PAFAH2: variants seen among roughly 807,000 people sequenced by gnomAD.
PAFAH2 encodes platelet activating factor acetylhydrolase 2.
In PAFAH2, 42 loss-of-function variants were observed where a neutral mutation model predicts 49.0. The observed-to-expected ratio is 0.86, with a 90% CI of 0.67 to 1.11. The LOEUF is 1.11. Among genes scored for constraint, PAFAH2 ranks in the 50% least tolerant of loss-of-function variants. PAFAH2 has a pLI of 0.00. For missense variants in PAFAH2, 503 were observed against 501.8 expected, an observed-to-expected ratio of 1.00 and a Z score of -0.02; for synonymous variants, 184 against 181.3, an observed-to-expected ratio of 1.01 and a Z score of -0.12.
At chr1:25,989,846 G>A (rs181214475) in intron 2 of PAFAH2, among the ~76,000 whole-genome samples, 13 of 152,282 alleles carry the variant, frequency 8.5e-5, no homozygotes, top group African/African-American at 3.1e-4. Context: ...CATTGTGGGA[G>A]GGGGCACCAA....
intron 8 of PAFAH2, 57 bp from the exon 9 acceptor site, chr1:25,974,707 G>A: frequency 6.6e-7 from 1 of 1,524,586 alleles, no homozygotes; most frequent in Non-Finnish European, 8.9e-7. Flanking sequence ...AGAATAGTTA[G>A]GGTGGTGGAG....
At position 25,963,293 on chromosome 1, in the gene PAFAH2, A is replaced by G. The variant is rs536091135; in HGVS notation, c.1085-1210T>C. Among the ~76,000 whole-genome samples, 67 of 152,316 alleles carry G rather than the reference A, an allele frequency of 4.4e-4. 1 individual carries two copies. The South Asian group carries it at 9.5e-3, about 22-fold the overall frequency. On this transcript the variant is annotated intron_variant, in intron 10 of 10. Coordinates refer to ENST00000374282, the MANE Select transcript of PAFAH2 (RefSeq NM_000437.4). ...ACTATGTGCCACACTCTGTTCTTTG[A>G]GCTAAAAATATATCCACAAACAAAA...
intron 9 of PAFAH2, 58 bp from the exon 10 acceptor site, chr1:25,972,770 G>A: frequency 1.9e-6 from 3 of 1,567,094 alleles, no homozygotes; most frequent in Non-Finnish European, 2.6e-6. Flanking sequence ...ACAGATGTGT[G>A]TTAGGCACCT....
At chr1:25,986,404 GA>G (rs1054298326) in intron 4 of PAFAH2, among the ~76,000 whole-genome samples, 3 of 152,150 alleles carry the variant, frequency 2.0e-5, no homozygotes, top group African/African-American at 7.2e-5. Context: ...TTCAGTAAGT[GA>G]AAGAAGGCCA....
At chr1:25,983,504 C>A (rs1165608604) in intron 6 of PAFAH2, among the ~76,000 whole-genome samples, 1 of 151,310 alleles carries the variant, frequency 6.6e-6, no homozygotes, top group Non-Finnish European at 1.5e-5. Flanking sequence ...CTGCAGTGAG[C>A]CATGATCATG....
intron 5 of PAFAH2, 134 bp from the exon 6 acceptor site, chr1:25,984,221 G>T: frequency 1.6e-5 from 16 of 1,023,222 alleles, no homozygotes; most frequent in Non-Finnish European, 2.3e-5. Context: ...TCTGGGGCAT[G>T]CATAGGGAAG....
intron 10 of PAFAH2, among the ~76,000 whole-genome samples, chr1:25,967,691 G>A (rs1267291545): frequency 6.6e-6 from 1 of 152,192 alleles, no homozygotes; most frequent in Non-Finnish European, 1.5e-5. Context: ...TGGGTTAAGA[G>A]GGAATGGGAA....
intron 10 of PAFAH2, among the ~76,000 whole-genome samples, chr1:25,971,963 A>G (rs879269329): frequency 2.2e-4 from 33 of 152,178 alleles, no homozygotes; most frequent in South Asian, 2.1e-4. Flanking sequence ...GTGGTGGAGT[A>G]GAGAGAGGTG....
chr1:25,982,538 C>A, intron 6 of PAFAH2, 61 bp from the exon 7 acceptor site: 1 of 1,287,202 alleles, frequency 7.8e-7, no homozygotes, highest in Non-Finnish European at 1.1e-6. Flanking sequence ...CGAGAATCTC[C>A]CTCACGTACA....
chr1:25,984,345 G>C (rs3738458), intron 5 of PAFAH2, 115 bp downstream of exon 5: 1 of 821,934 alleles, frequency 1.2e-6, no homozygotes, highest in South Asian at 1.7e-5. Flanking sequence ...CTTTAAAAGT[G>C]GTATAATGCT....
chr1:25,977,618 G>C (rs1420759233), intron 7 of PAFAH2, among the ~76,000 whole-genome samples: 1 of 146,178 alleles, frequency 6.8e-6, no homozygotes. Flanking sequence ...TTGCACCACT[G>C]CATTCCAGCC....
Position 25,989,542 on chromosome 1 carries a change from G to C in PAFAH2, c.150C>G (p.Pro50=), listed in dbSNP as rs768404305. 1.2e-6 allele frequency: 2 copies of C among 1,612,556 alleles called. No individual in the cohort carries two copies. The highest frequency in any genetic ancestry group is 2.7e-5 in the African/African-American group (2 of 74,880). The change falls in exon 3 of 11, where the codon CCC becomes CCG. Residue 50 remains proline, a synonymous_variant. Coordinates refer to ENST00000374282, the MANE Select transcript of PAFAH2 (RefSeq NM_000437.4). ...AGTACTCATAGCGGGGAATCCACAG[G>C]GGCTGCTCCATGGTCTCCTCTGCCT... ...CQKAEETMEQ[P]LWIPRYEYCT... is the part of the protein sequence containing the mutation.
chr1:25,996,618 G>C (rs2049940900), intron 1 of PAFAH2, among the ~76,000 whole-genome samples: 1 of 152,096 alleles, frequency 6.6e-6, no homozygotes, highest in South Asian at 2.1e-4. Flanking sequence ...CTCTAGCCTG[G>C]GCGACAGAGC....
chr1:25,989,596 G>C lies in PAFAH2; in HGVS notation c.96C>G (p.Ser32Arg). The change falls in exon 3 of 11, where the codon AGC becomes AGG. Residue 32 changes from serine to arginine, a missense_variant. Transcript: ENST00000374282. ...DVMEGQNLQG[S>R]FFRLFYPCQK... ...GGCAGGGGTAGAAGAGTCGAAAGAA[G>C]CTCCCCTGTAGGAAAGAAGAGAGCA... 6.3e-7 allele frequency: 1 copy of C among 1,575,306 alleles called. No homozygotes were observed. Among genetic ancestry groups the C allele is most frequent in the Non-Finnish European group, 8.6e-7 (1 of 1,161,694 alleles).
intron 4 of PAFAH2, 93 bp downstream of exon 4, chr1:25,988,138 A>G (rs2049811164): frequency 1.3e-6 from 1 of 762,536 alleles, no homozygotes; most frequent in Non-Finnish European, 2.2e-6. Flanking sequence ...GCAGATGGAA[A>G]TGTCTTTTTT....
intron 4 of PAFAH2, among the ~76,000 whole-genome samples, chr1:25,987,715 GAAA>G (rs11289287): frequency 7.1e-6 from 1 of 139,864 alleles, no homozygotes; most frequent in Admixed American, 7.2e-5. Flanking sequence ...TCTCGTCCCT[GAAA>G]AAAAAAAAAA....
rs754412577 is a variant in PAFAH2, at chr1:25,962,003, G to A, written c.1165C>T (p.Leu389=). The A allele has an allele frequency of 1.2e-6, 2 of 1,613,712 alleles. No individual in the cohort carries two copies. Among genetic ancestry groups the A allele is most frequent in the Non-Finnish European group, 1.7e-6 (2 of 1,179,832 alleles). ...PSLTPGAPHH[L]SSL ...GCCAGTTGTGCCTACAGGCTGGACA[G>A]ATGGTGGGGGGCCCCTGGGGTGAGC... The change falls in exon 11 of 11, where the codon CTG becomes TTG. Residue 389 remains leucine (L), a synonymous_variant. Coordinates refer to ENST00000374282, the MANE Select transcript of PAFAH2 (RefSeq NM_000437.4).
At chr1:25,976,153 G>GT (rs535776072) in intron 8 of PAFAH2, among the ~76,000 whole-genome samples, 13 of 151,552 alleles carry the variant, frequency 8.6e-5, no homozygotes, top group South Asian at 4.2e-4. Flanking sequence ...TCTTTTTTCT[G>GT]TTTTTTTTGA....
chr1:25,973,937 T>C (rs759583364), intron 9 of PAFAH2, among the ~76,000 whole-genome samples: 11 of 152,152 alleles, frequency 7.2e-5, no homozygotes, highest in Non-Finnish European at 1.3e-4. Context: ...TTTTTTTCCC[T>C]GTGAAAAATG....
Sources: allele counts gnomAD v4.1 joint callset (sites outside exome capture counted in the v4.1 genomes callset), GRCh38; gene constraint gnomAD v4.1.1; transcripts MANE v1.5; gene names NCBI Gene and HGNC (gene_info 2026-07-23, HGNC 2026-07-21).